TTC34: variants seen among roughly 807,000 people sequenced by gnomAD.
TTC34 encodes tetratricopeptide repeat domain 34, also known as tetratricopeptide repeat protein 34.
Under a neutral mutation model 40.7 loss-of-function variants are expected in TTC34, and 44 were observed. The observed-to-expected ratio is 1.08, with a 90% CI of 0.85 to 1.39. The LOEUF is 1.39. Ranked by LOEUF, TTC34 falls within the 40% of genes most tolerant of loss-of-function variation. The probability of loss-of-function intolerance (pLI) is 0.00; values close to 1 mark genes in which losing one functional copy is unlikely to be tolerated. For synonymous variants in TTC34, 422 were observed against 398.6 expected (o/e 1.06, Z -0.70); for missense variants, 884 against 838.0 (o/e 1.05, Z -0.68).
In TTC34 at chr1:2,749,441, C is replaced by T. The variant is rs1641245253; in HGVS notation, c.2226+34168G>A. Among the ~76,000 whole-genome samples the T allele has an allele frequency of 5.0e-5, 7 of 141,064 alleles. 2 individuals carry two copies. Among genetic ancestry groups the T allele is most frequent in the Non-Finnish European group, 7.7e-5 (5 of 64,936 alleles). 92.5% of individuals were successfully genotyped at this position (141,064 alleles called of 152,430 possible). A position where few individuals can be genotyped will look rare whatever the true frequency, so the allele number is the denominator to read the frequency against. Reference sequence around the variant, plus strand: ...ACGTGACAGCCTGGAACAGCACCGACACCCCCAGGTGAGCATCTGACGGCC... The same window carrying T: ...ACGTGACAGCCTGGAACAGCACCGATACCCCCAGGTGAGCATCTGACGGCC... On this transcript the variant is annotated intron_variant, in intron 6 of 8. Coordinates refer to ENST00000401095, the Ensembl canonical transcript of TTC34.
At chr1:2,647,771 T>C (rs1570748585) in intron 6 of TTC34, among the ~76,000 whole-genome samples, 1 of 152,350 alleles carries the variant, frequency 6.6e-6, no homozygotes, top group South Asian at 2.1e-4. Context: ...GTGTGAGCCA[T>C]GATGCTCAGC....
At chr1:2,641,658 C>T in exon 9 of TTC34, 2 of 1,535,398 alleles carry the variant, frequency 1.3e-6, no homozygotes, top group South Asian at 1.2e-5. Context: ...AGCAGGCGAC[C>T]CTGACGGCAG....
chr1:2,786,091 C>T (rs527659558), intron 4 of TTC34, 68 bp from the exon 5 acceptor site: 81 of 1,319,380 alleles, frequency 6.1e-5, no homozygotes, highest in South Asian at 9.4e-5. Flanking sequence ...CCTGTACTGA[C>T]GCCCCTGGCC....
chr1:2,755,747 C>G (rs1295312731), intron 6 of TTC34, among the ~76,000 whole-genome samples: 182 of 139,150 alleles, frequency 1.3e-3, no homozygotes, highest in Admixed American at 1.8e-3. Context: ...CCCACACACC[C>G]AGGCGAGCAT....
intron 6 of TTC34, among the ~76,000 whole-genome samples, chr1:2,749,532 AAGCATCTGAACG>A (rs1641249276): frequency 6.4e-5 from 1 of 15,682 alleles, no homozygotes; most frequent in Non-Finnish European, 1.1e-4. Flanking sequence ...ATTCCCAGGC[AAGCATCTGAACG>A]CAAATAGCAG....
intron 6 of TTC34, among the ~76,000 whole-genome samples, chr1:2,693,115 AGCAT>A (rs1640701966): frequency 1.1e-5 from 1 of 87,408 alleles, no homozygotes; most frequent in African/African-American, 4.4e-5. Context: ...CCCTCAGGTG[AGCAT>A]CTGACAGCCT....
chr1:2,771,461 A>G (rs2100502350), intron 6 of TTC34, among the ~76,000 whole-genome samples: 1 of 80,274 alleles, frequency 1.2e-5, no homozygotes, highest in East Asian at 4.0e-4. Flanking sequence ...TGAGCATCTG[A>G]CAGTCTGGAA....
chr1:2,655,448 C>T, intron 6 of TTC34, among the ~76,000 whole-genome samples: 1 of 122,792 alleles, frequency 8.1e-6, no homozygotes. Flanking sequence ...GGAGCAGCAC[C>T]CACACCCCCA....
chr1:2,687,806 C>T (rs1433925635), intron 6 of TTC34, among the ~76,000 whole-genome samples: 27 of 137,778 alleles, frequency 2.0e-4, no homozygotes, highest in African/African-American at 3.0e-5. Flanking sequence ...GGCACCCACA[C>T]CTCCAGGTGA....
chr1:2,692,310 G>C (rs1390296534), intron 6 of TTC34, among the ~76,000 whole-genome samples: 1 of 66,964 alleles, frequency 1.5e-5, no homozygotes, highest in Non-Finnish European at 3.6e-5. Context: ...CACACCCCCA[G>C]TGAGCATCTG....
intron 2 of TTC34, among the ~76,000 whole-genome samples, chr1:2,792,886 G>A (rs532315984): frequency 3.9e-5 from 6 of 152,302 alleles, no homozygotes; most frequent in Non-Finnish European, 5.9e-5. Context: ...GAAGAGCTGC[G>A]GGGTGCACAT....
chr1:2,759,995 C>CCGATAA, intron 6 of TTC34, among the ~76,000 whole-genome samples: 1 of 140,310 alleles, frequency 7.1e-6, no homozygotes, highest in Non-Finnish European at 1.5e-5. Context: ...TGGAGAAGCA[C>CCGATAA]CCACAACCAC....
At chr1:2,687,683 A>T (rs1164466742) in intron 6 of TTC34, among the ~76,000 whole-genome samples, 2 of 150,112 alleles carry the variant, frequency 1.3e-5, no homozygotes, top group Non-Finnish European at 2.9e-5. Flanking sequence ...AGCAGCACGC[A>T]CACCCCCAGT....
chr1:2,773,217 C>G (rs1642587499), intron 6 of TTC34, among the ~76,000 whole-genome samples: 1 of 130,704 alleles, frequency 7.7e-6, no homozygotes, highest in South Asian at 2.7e-4. Flanking sequence ...AGCGCCCACA[C>G]CCCCGGGCGA....
At chr1:2,685,678 C>T (rs1441065985) in intron 6 of TTC34, among the ~76,000 whole-genome samples, 1 of 89,176 alleles carries the variant, frequency 1.1e-5, no homozygotes, top group Non-Finnish European at 2.5e-5. Context: ...AGAACCCACA[C>T]CCCCAGGCGA....
At chr1:2,783,458 G>T in intron 6 of TTC34, 151 bp downstream of exon 6, 1 of 781,312 alleles carries the variant, frequency 1.3e-6, no homozygotes, top group Non-Finnish European at 1.8e-6. Flanking sequence ...ATGAGCCGCT[G>T]TACAGGTGGG....
chr1:2,681,574 C>G, intron 6 of TTC34, among the ~76,000 whole-genome samples: 1 of 61,398 alleles, frequency 1.6e-5, no homozygotes, highest in Non-Finnish European at 3.6e-5. Flanking sequence ...TGGTCTGGAG[C>G]AGCATCCACA....
intron 6 of TTC34, among the ~76,000 whole-genome samples, chr1:2,750,821 C>G (rs1210848299): frequency 7.6e-6 from 1 of 131,294 alleles, no homozygotes; most frequent in Admixed American, 7.7e-5. Context: ...AGGCGAGCAT[C>G]TGACAGCCTG....
intron 6 of TTC34, among the ~76,000 whole-genome samples, chr1:2,646,967 C>G (rs562348686): frequency 6.6e-6 from 1 of 152,138 alleles, no homozygotes; most frequent in Non-Finnish European, 1.5e-5. Context: ...TCTTTTAGTG[C>G]CTTAAAGGTG....
Sources: gnomAD v4.1 joint callset for allele counts (sites outside exome capture counted in the v4.1 genomes callset) on GRCh38, gnomAD v4.1.1 for gene constraint, MANE v1.5 for transcripts, NCBI Gene and HGNC (gene_info 2026-07-23, HGNC 2026-07-21) for gene names.